The following PCDHGA6 variants were observed in gnomAD, a reference collection of about 807,000 sequenced individuals.
The protein encoded by PCDHGA6 is protocadherin gamma subfamily A, 6, also known as protocadherin gamma-A6.
Under a neutral mutation model 60.6 loss-of-function variants are expected in PCDHGA6, and 41 were observed. The observed-to-expected ratio is 0.68, with a 90% CI of 0.53 to 0.88. PCDHGA6 has a LOEUF of 0.88. Ranked by LOEUF, PCDHGA6 falls within the 40% of genes least tolerant of loss-of-function variation. The probability of loss-of-function intolerance (pLI) is 0.00; values close to 1 mark genes in which losing one functional copy is unlikely to be tolerated. For synonymous variants in PCDHGA6, 594 were observed against 524.4 expected, an observed-to-expected ratio of 1.13 and a Z score of -1.81; for missense variants, 1,312 against 1,203.0, an observed-to-expected ratio of 1.09 and a Z score of -1.34.
chr5:141,476,421 C>T lies in PCDHGA6; in HGVS notation c.2425-18386C>T, dbSNP rs765688262. On this transcript the variant is annotated intron_variant, in intron 1 of 3. Coordinates refer to ENST00000517434, the MANE Select transcript of PCDHGA6 (RefSeq NM_018919.3). The surrounding 1 kb of genome is among the most constrained non-coding windows in gnomAD (Gnocchi z 7.6). ...CGAGAGGAGCTGTGTGGGACACTGC[C>T]CTCTTGCACTGTAACTCTGGAGTTG... 1 of 1,614,026 alleles carries T rather than the reference C, an allele frequency of 6.2e-7. No homozygotes were observed. The highest frequency in any genetic ancestry group is 8.5e-7 in the Non-Finnish European group (1 of 1,179,994).
chr5:141,491,528 C>T lies in PCDHGA6; in HGVS notation c.2425-3279C>T, dbSNP rs745806026. ...GGCACGCTCAAGTACATGGAGGTGACGCTGCGGCCCACAGACTCGCAGAGC... is the reference window on the plus strand; with the variant it reads ...GGCACGCTCAAGTACATGGAGGTGATGCTGCGGCCCACAGACTCGCAGAGC... On this transcript the variant is annotated intron_variant, in intron 1 of 3. Coordinates refer to ENST00000517434, the MANE Select transcript of PCDHGA6 (RefSeq NM_018919.3). The surrounding 1 kb of genome is among the most constrained non-coding windows in gnomAD (Gnocchi z 6.9). 4 of 1,613,950 alleles carry T rather than the reference C, an allele frequency of 2.5e-6. No individual in the cohort carries two copies. Among genetic ancestry groups the T allele is most frequent in the South Asian group, 1.1e-5 (1 of 91,092 alleles).
chr5:141,422,140 C>T (rs1275997338), intron 1 of PCDHGA6: 15 of 1,586,774 alleles, frequency 9.5e-6, no homozygotes, highest in Non-Finnish European at 1.3e-5. Flanking sequence ...AGTTCAAGTA[C>T]GGGGGTCTCT....
At chr5:141,478,884 C>A in intron 1 of PCDHGA6, 1 of 1,194,298 alleles carries the variant, frequency 8.4e-7, no homozygotes, top group Non-Finnish European at 1.1e-6. Flanking sequence ...AGCTTGGTAT[C>A]ATTTACATTA....
intron 1 of PCDHGA6, chr5:141,408,296 C>T (rs2154539952): frequency 1.2e-6 from 2 of 1,613,550 alleles, no homozygotes; most frequent in Non-Finnish European, 1.7e-6. Flanking sequence ...CCTGAGTGAG[C>T]CGATCCGCTA....
At position 141,404,906 on chromosome 5, in the gene PCDHGA6, C is replaced by A. The variant is rs776779922; in HGVS notation, c.2424+28399C>A. 1 of 1,613,864 alleles carries A rather than the reference C, an allele frequency of 6.2e-7. No homozygotes were observed. The highest frequency in any genetic ancestry group is 8.5e-7 in the Non-Finnish European group (1 of 1,179,858). ...GGTGGCTGTACAGGACCATGGCCAGCCCCCTCTCTCGGCCACTGTCACGCT... is the reference window on the plus strand; with the variant it reads ...GGTGGCTGTACAGGACCATGGCCAGACCCCTCTCTCGGCCACTGTCACGCT... On this transcript the variant is annotated intron_variant, in intron 1 of 3. Transcript: ENST00000517434.
At position 141,489,088 on chromosome 5, in the gene PCDHGA6, GAC is replaced by G; in HGVS notation, c.2425-5718_2425-5717del. 5.8e-6 allele frequency: 2 copies of G among 347,236 alleles called. No homozygotes were observed. The highest frequency in any genetic ancestry group is 4.7e-5 in the East Asian group (1 of 21,502). The allele number at this position is 347,236 out of a possible 1,614,324, so 21.5% of individuals were successfully genotyped here. A position where few individuals can be genotyped will look rare whatever the true frequency, so the allele number is the denominator to read the frequency against. ...CCCCTGCCCACCCCCGCCACTCGGT[GAC>G]TAAGAACTGCTGCAAGCAGGCAAAC... On this transcript the variant is annotated intron_variant, in intron 1 of 3. Transcript: ENST00000517434. The surrounding 1 kb of genome is among the most constrained non-coding windows in gnomAD (Gnocchi z 4.5).
intron 2 of PCDHGA6, among the ~76,000 whole-genome samples, chr5:141,498,971 G>GGGAAGGAA (rs201769957): frequency 0.022 from 2,449 of 111,032 alleles, 52 homozygotes; most frequent in African/African-American, 0.046. Flanking sequence ...GAGGGAGGGA[G>GGGAAGGAA]GGAAGGAAGG....
chr5:141,466,450 G>A lies in PCDHGA6; in HGVS notation c.2425-28357G>A, dbSNP rs139024933. Reference sequence around the variant, plus strand: ...TAAGCTGAACCGAGATGTCTATGGTGTTGGCTATTGTTTCTGCTGTTAATT... The same window carrying A: ...TAAGCTGAACCGAGATGTCTATGGTATTGGCTATTGTTTCTGCTGTTAATT... On this transcript the variant is annotated intron_variant, in intron 1 of 3. Coordinates refer to ENST00000517434, the MANE Select transcript of PCDHGA6 (RefSeq NM_018919.3). Among the ~76,000 whole-genome samples, 714 of 152,290 alleles carry A rather than the reference G, an allele frequency of 4.7e-3. 2 individuals are homozygous for A. Among genetic ancestry groups the A allele is most frequent in the Non-Finnish European group, 7.0e-3 (479 of 68,028 alleles).
At chr5:141,446,942 G>C (rs1252429052) in intron 1 of PCDHGA6, among the ~76,000 whole-genome samples, 1 of 152,058 alleles carries the variant, frequency 6.6e-6, no homozygotes, top group Non-Finnish European at 1.5e-5. Flanking sequence ...TTCACTGTAA[G>C]AAACATCCAG....
chr5:141,478,135 C>T (rs1307702473), intron 1 of PCDHGA6: 7 of 1,613,970 alleles, frequency 4.3e-6, no homozygotes, highest in African/African-American at 1.3e-5. Flanking sequence ...CTCCTGAAGC[C>T]CGAGCCGAGT....
intron 1 of PCDHGA6, among the ~76,000 whole-genome samples, chr5:141,456,288 G>A (rs371687260): frequency 1.4e-3 from 217 of 152,226 alleles, no homozygotes; most frequent in Middle Eastern, 6.8e-3. Context: ...GAAAAGGGGC[G>A]TCTAATGGAG....
rs556099456 is a variant in PCDHGA6, at chr5:141,430,033, C to A, written c.2424+53526C>A. ...ACTTGGGTTCTTGTTAAGTGTGATT[C>A]TGATAATGTATACAATCACATATCA... On this transcript the variant is annotated intron_variant, in intron 1 of 3. Coordinates refer to ENST00000517434, the MANE Select transcript of PCDHGA6 (RefSeq NM_018919.3). 1.2e-4 allele frequency among the ~76,000 whole-genome samples: 18 copies of A among 152,184 alleles called. 1 individual carries two copies. In the South Asian group the frequency reaches 3.3e-3, roughly 28 times the overall value.
At chr5:141,445,364 C>T (rs1374418361) in intron 1 of PCDHGA6, among the ~76,000 whole-genome samples, 1 of 152,158 alleles carries the variant, frequency 6.6e-6, no homozygotes, top group African/African-American at 2.4e-5. Flanking sequence ...CAAGTCTGGT[C>T]CTGGGTGGTT....
chr5:141,391,749 G>A (rs147297013), intron 1 of PCDHGA6: 1 of 152,154 alleles, frequency 6.6e-6, no homozygotes, highest in African/African-American at 2.4e-5. Flanking sequence ...CTTATCCTTT[G>A]GCTTCTTAGT....
chr5:141,418,107 A>C, intron 1 of PCDHGA6: 1 of 1,614,036 alleles, frequency 6.2e-7, no homozygotes, highest in Non-Finnish European at 8.5e-7. Flanking sequence ...CAGAGCGGGG[A>C]CTTACTTGTG....
intron 1 of PCDHGA6, among the ~76,000 whole-genome samples, chr5:141,468,759 G>A (rs1202810666): frequency 3.9e-5 from 6 of 151,990 alleles, no homozygotes; most frequent in Admixed American, 2.0e-4. Context: ...CCAGCTACTC[G>A]GGAGGCTGAG....
At chr5:141,413,148 C>G (rs370253778) in intron 1 of PCDHGA6, 10 of 1,570,530 alleles carry the variant, frequency 6.4e-6, no homozygotes, top group Middle Eastern at 1.7e-4. Flanking sequence ...CCAGTGAGGA[C>G]TTTGCAGAAT....
Position 141,486,494 on chromosome 5 carries a change from A to G in PCDHGA6, c.2425-8313A>G, listed in dbSNP as rs375607204. 9.3e-6 allele frequency: 15 copies of G among 1,614,058 alleles called. No individual in the cohort carries two copies. The highest frequency in any genetic ancestry group is 1.3e-5 in the Non-Finnish European group (15 of 1,179,958). ...CCCTCCTCTCAGTACCCACAGAACT[A>G]TTTTCCTCAATATTTCAGATGTGAA... On this transcript the variant is annotated intron_variant, in intron 1 of 3. Transcript: ENST00000517434. The surrounding 1 kb of genome is among the most constrained non-coding windows in gnomAD (Gnocchi z 5.0).
At chr5:141,414,948 G>A (rs957548133) in intron 1 of PCDHGA6, 20 of 1,614,084 alleles carry the variant, frequency 1.2e-5, no homozygotes, top group South Asian at 2.2e-5. Flanking sequence ...CCGGCTACCT[G>A]GTGACCAAGG....
Sources: gnomAD v4.1 joint callset for allele counts (sites outside exome capture counted in the v4.1 genomes callset) on GRCh38, gnomAD v4.1.1 for gene constraint, Gnocchi (gnomAD v3.1) non-coding constraint, MANE v1.5 for transcripts, NCBI Gene and HGNC (gene_info 2026-07-23, HGNC 2026-07-21) for gene names.